Variants in CCND3 observed in about 807,000 individuals in gnomAD.
CCND3 encodes G1/S-specific cyclin-D3.
CCND3 carries 9 observed loss-of-function variants against 28.7 expected under a neutral mutation model. That is an observed-to-expected ratio of 0.31 (90% CI 0.19 to 0.55). CCND3 has a LOEUF of 0.55. CCND3 is among the 20% of genes least tolerant of loss of function. The probability of loss-of-function intolerance (pLI) is 0.93; values close to 1 mark genes in which losing one functional copy is unlikely to be tolerated. For missense variants in CCND3, 315 were observed against 385.8 expected (o/e 0.82, Z 1.54); for synonymous variants, 164 against 163.9 (o/e 1.00, Z 0.00).
intron 1 of CCND3, among the ~76,000 whole-genome samples, chr6:41,974,900 C>T (rs1380283874): frequency 6.8e-6 from 1 of 147,858 alleles, no homozygotes; most frequent in Non-Finnish European, 1.5e-5. Context: ...TCAAGCGATT[C>T]TCCTGCCTCA....
intron 1 of CCND3, among the ~76,000 whole-genome samples, chr6:42,037,525 G>T (rs1040133281): frequency 6.6e-6 from 1 of 151,630 alleles, no homozygotes; most frequent in Non-Finnish European, 1.5e-5. Context: ...GTGAGCCACC[G>T]CGCCTGGCCA....
At chr6:41,942,872 C>CTTTTTTTTTTT (rs60884050), upstream of CCND3, among the ~76,000 whole-genome samples, 6 of 82,566 alleles carry the variant, frequency 7.3e-5, no homozygotes, top group South Asian at 4.0e-4. Flanking sequence ...GTTAATTATT[C>CTTTTTTTTTTT]TTTTTTTTTT....
chr6:41,976,281 G>A (rs1762182272), intron 1 of CCND3, among the ~76,000 whole-genome samples: 2 of 152,056 alleles, frequency 1.3e-5, no homozygotes, highest in Admixed American at 6.5e-5. Flanking sequence ...GAACCTGGGA[G>A]GTGGAGGTTG....
intron 1 of CCND3, among the ~76,000 whole-genome samples, chr6:42,046,420 T>G (rs1038798344): frequency 6.6e-6 from 1 of 152,200 alleles, no homozygotes; most frequent in Non-Finnish European, 1.5e-5. Flanking sequence ...TCTACCAAGC[T>G]GGAATGCACA....
At chr6:41,962,870 C>T (rs1761759182) in intron 1 of CCND3, among the ~76,000 whole-genome samples, 1 of 152,230 alleles carries the variant, frequency 6.6e-6, no homozygotes, top group Admixed American at 6.5e-5. Flanking sequence ...CCTGTCTCAG[C>T]CTCCCAAGTA....
chr6:42,045,691 G>A (rs554063911), intron 1 of CCND3, among the ~76,000 whole-genome samples: 100 of 152,304 alleles, frequency 6.6e-4, no homozygotes, highest in African/African-American at 2.2e-3. Context: ...CCCTAGAAAG[G>A]GGCAGGCCTT....
chr6:41,954,230 T>A (rs1394681543), intron 1 of CCND3, among the ~76,000 whole-genome samples: 2 of 81,164 alleles, frequency 2.5e-5, no homozygotes, highest in Admixed American at 3.5e-4. Flanking sequence ...CAGCCTGGGG[T>A]ACAGAGCAAG....
At chr6:42,027,810 C>T (rs1763926033) in intron 1 of CCND3, among the ~76,000 whole-genome samples, 2 of 152,100 alleles carry the variant, frequency 1.3e-5, no homozygotes, top group South Asian at 4.2e-4. Flanking sequence ...GGCAATGGCT[C>T]AATCTCAGCT....
At chr6:41,937,001 C>G in intron 3 of CCND3, 2 of 605,600 alleles carry the variant, frequency 3.3e-6, no homozygotes, top group South Asian at 4.0e-5. Flanking sequence ...ACTGTGAGAC[C>G]TTGGGCAAGT....
chr6:42,049,202 A>G (rs1764651164), upstream of CCND3, among the ~76,000 whole-genome samples: 2 of 151,994 alleles, frequency 1.3e-5, no homozygotes, highest in South Asian at 4.2e-4. Context: ...CGCCCGGCTA[A>G]TTTTGTGTAT....
At chr6:41,985,304 CTTTTTTTTTTTTTTT>C (rs56672487) in intron 1 of CCND3, among the ~76,000 whole-genome samples, 10 of 53,284 alleles carry the variant, frequency 1.9e-4, no homozygotes, top group African/African-American at 3.1e-4. Flanking sequence ...CAGTTCAAGT[CTTTTTTTTTTTTTTT>C]TTTTTTTTTT....
intron 1 of CCND3, among the ~76,000 whole-genome samples, chr6:42,043,926 G>A (rs1393588468): frequency 1.3e-5 from 2 of 152,222 alleles, no homozygotes; most frequent in Non-Finnish European, 2.9e-5. Flanking sequence ...GCCACTGAGT[G>A]CAAATAGTTT....
At chr6:41,977,125 G>C (rs1762207714) in intron 1 of CCND3, among the ~76,000 whole-genome samples, 1 of 152,114 alleles carries the variant, frequency 6.6e-6, no homozygotes, top group Non-Finnish European at 1.5e-5. Context: ...TCAGAAAGGG[G>C]TCTCAGAGGC....
chr6:41,988,616 T>C (rs1286304383), intron 1 of CCND3, among the ~76,000 whole-genome samples: 4 of 152,078 alleles, frequency 2.6e-5, no homozygotes. Flanking sequence ...CCATGGCCTC[T>C]TGGCCTCATG....
intron 1 of CCND3, among the ~76,000 whole-genome samples, chr6:42,034,215 T>G (rs1764130555): frequency 6.6e-6 from 1 of 150,622 alleles, no homozygotes; most frequent in Non-Finnish European, 1.5e-5. Flanking sequence ...TGGTGCGATC[T>G]CGGCTCACTG....
At chr6:42,028,506 G>A (rs1387288896) in intron 1 of CCND3, among the ~76,000 whole-genome samples, 2 of 152,222 alleles carry the variant, frequency 1.3e-5, no homozygotes, top group East Asian at 3.9e-4. Flanking sequence ...TTGCCACACT[G>A]TCGGCTGCTA....
chr6:42,008,713 A>G (rs1157261961), intron 1 of CCND3, among the ~76,000 whole-genome samples: 1 of 152,162 alleles, frequency 6.6e-6, no homozygotes, highest in African/African-American at 2.4e-5. Flanking sequence ...ATACTTATGT[A>G]TATATTCGGT....
intron 1 of CCND3, among the ~76,000 whole-genome samples, chr6:41,996,007 A>G (rs1049887401): frequency 1.3e-5 from 2 of 151,058 alleles, no homozygotes; most frequent in Non-Finnish European, 2.9e-5. Flanking sequence ...TCATCTGGAG[A>G]TAACAGAAGT....
chr6:42,031,588 A>G (rs1383067101), intron 1 of CCND3, among the ~76,000 whole-genome samples: 1 of 152,148 alleles, frequency 6.6e-6, no homozygotes, highest in Non-Finnish European at 1.5e-5. Flanking sequence ...TTGATTTTTC[A>G]TGAACATTTC....
Sources: allele counts gnomAD v4.1 joint callset (sites outside exome capture counted in the v4.1 genomes callset), GRCh38; gene constraint gnomAD v4.1.1; transcripts MANE v1.5; gene names NCBI Gene and HGNC (gene_info 2026-07-23, HGNC 2026-07-21).